Variants in ENTREP2 observed in about 807,000 individuals in gnomAD.
ENTREP2 encodes the protein endosomal transmembrane epsin interactor 2.
At chr15:29,488,966 G>C in the ENTREP2 span, among the ~76,000 whole-genome samples, 1 of 152,170 alleles carries the variant, frequency 6.6e-6, no homozygotes, top group African/African-American at 2.4e-5. Context: ...CTAGGAGAGG[G>C]GAAATAGGGA....
the ENTREP2 span, among the ~76,000 whole-genome samples, chr15:29,413,781 T>C: frequency 6.6e-6 from 1 of 151,838 alleles, no homozygotes; most frequent in Non-Finnish European, 1.5e-5. Flanking sequence ...ACACATAGGC[T>C]CAAAATAAAG....
chr15:29,569,013 T>C, the ENTREP2 span, among the ~76,000 whole-genome samples: 2 of 152,320 alleles, frequency 1.3e-5, no homozygotes, highest in African/African-American at 4.8e-5. Flanking sequence ...CTGCCACCTG[T>C]AGGCTGGTTC....
the ENTREP2 span, among the ~76,000 whole-genome samples, chr15:29,503,610 T>G: frequency 4.2e-3 from 646 of 152,260 alleles, 7 homozygotes; most frequent in African/African-American, 0.015. Context: ...CCTCAATAAT[T>G]AAAAGAAGTA....
the ENTREP2 span, chr15:29,124,674 A>T: frequency 1.3e-6 from 2 of 1,549,972 alleles, no homozygotes; most frequent in Non-Finnish European, 1.7e-6. Context: ...GCTTTAGAAA[A>T]GAAGCGTCTC....
chr15:29,366,130 G>C, the ENTREP2 span, among the ~76,000 whole-genome samples: 1 of 152,170 alleles, frequency 6.6e-6, no homozygotes. Flanking sequence ...CTGGAGTGCA[G>C]TAGCATGATC....
chr15:29,120,727 C>T, the ENTREP2 span: 1,823 of 152,446 alleles, frequency 0.012, 24 homozygotes, highest in Admixed American at 0.026. Flanking sequence ...CACAGTTGGC[C>T]CATTTCAGAT....
At chr15:29,398,941 A>G in the ENTREP2 span, among the ~76,000 whole-genome samples, 2 of 152,152 alleles carry the variant, frequency 1.3e-5, no homozygotes, top group South Asian at 4.1e-4. Flanking sequence ...TGAGTTCATC[A>G]AAAGGGAAGT....
At chr15:29,171,429 T>G in the ENTREP2 span, among the ~76,000 whole-genome samples, 1 of 152,166 alleles carries the variant, frequency 6.6e-6, no homozygotes, top group Non-Finnish European at 1.5e-5. Flanking sequence ...TACTGTCTGT[T>G]CACCCCTGTG....
chr15:29,267,073 G>C, the ENTREP2 span: 1 of 152,198 alleles, frequency 6.6e-6, no homozygotes, highest in Admixed American at 6.5e-5. Context: ...AGAAATGCCT[G>C]TAAGGGCCAA....
At chr15:29,237,742 G>A in the ENTREP2 span, among the ~76,000 whole-genome samples, 3 of 152,054 alleles carry the variant, frequency 2.0e-5, no homozygotes, top group Admixed American at 2.0e-4. Context: ...TCCGTAAAAT[G>A]GTCTGGCACT....
chr15:29,594,865 G>T, the ENTREP2 span, among the ~76,000 whole-genome samples: 1 of 151,946 alleles, frequency 6.6e-6, no homozygotes, highest in South Asian at 2.1e-4. Context: ...AGGAGATCGA[G>T]ATCATCCTGG....
the ENTREP2 span, among the ~76,000 whole-genome samples, chr15:29,214,713 AAAG>A: frequency 1.3e-5 from 2 of 152,266 alleles, no homozygotes; most frequent in East Asian, 1.9e-4. Context: ...TGTAAAAAAA[AAAG>A]GAGCAAGTTA....
At chr15:29,444,899 G>A in the ENTREP2 span, among the ~76,000 whole-genome samples, 5 of 152,216 alleles carry the variant, frequency 3.3e-5, no homozygotes, top group Admixed American at 6.5e-5. Context: ...TGAGACCCTG[G>A]CTCTAGAAAA....
chr15:29,178,373 C>A, the ENTREP2 span, among the ~76,000 whole-genome samples: 2 of 151,550 alleles, frequency 1.3e-5, no homozygotes, highest in African/African-American at 4.8e-5. Flanking sequence ...GAAGACAGAA[C>A]TAAAGAATAT....
the ENTREP2 span, chr15:29,124,539 G>A: frequency 1.6e-6 from 1 of 625,768 alleles, no homozygotes; most frequent in East Asian, 2.8e-5. Flanking sequence ...GGAAGAGAAA[G>A]GCCCTCAAAG....
chr15:29,193,308 GCAA>G, the ENTREP2 span, among the ~76,000 whole-genome samples: 805 of 152,276 alleles, frequency 5.3e-3, 7 homozygotes, highest in African/African-American at 0.019. Context: ...ATGTTGGGGG[GCAA>G]CATCTGATCG....
the ENTREP2 span, among the ~76,000 whole-genome samples, chr15:29,213,800 A>C: frequency 6.8e-3 from 1,042 of 152,286 alleles, 9 homozygotes; most frequent in African/African-American, 0.024. Flanking sequence ...CTCATCTGAC[A>C]AAGGGCTAAT....
chr15:29,600,974 T>C, the ENTREP2 span, among the ~76,000 whole-genome samples: 1 of 144,804 alleles, frequency 6.9e-6, no homozygotes, highest in Admixed American at 7.0e-5. Flanking sequence ...CTCTGCTCAC[T>C]GCAAGCTCCG....
chr15:29,435,812 C>A, the ENTREP2 span, among the ~76,000 whole-genome samples: 2 of 152,154 alleles, frequency 1.3e-5, no homozygotes, highest in East Asian at 1.9e-4. Context: ...GGGTAAGCAA[C>A]TCATCCCAGT....
Sources: gnomAD v4.1 joint callset for allele counts (sites outside exome capture counted in the v4.1 genomes callset) on GRCh38, gnomAD v4.1.1 for gene constraint, MANE v1.5 for transcripts, NCBI Gene and HGNC (gene_info 2026-07-23, HGNC 2026-07-21) for gene names.